The following PANK1 variants were observed in gnomAD, a reference collection of about 807,000 sequenced individuals.
PANK1 encodes pantothenate kinase 1.
PANK1 carries 18 observed loss-of-function variants against 40.1 expected under a neutral mutation model. The observed-to-expected ratio is 0.45, with a 90% CI of 0.31 to 0.67. The LOEUF (loss-of-function observed/expected upper bound fraction) is 0.67, where lower values mean the gene tolerates loss of function less well. Among genes scored for constraint, PANK1 ranks in the 30% least tolerant of loss-of-function variants. PANK1 has a pLI of 0.06. For synonymous variants in PANK1, 242 were observed against 237.7 expected, an observed-to-expected ratio of 1.02 and a Z score of -0.17; for missense variants, 457 against 599.6, an observed-to-expected ratio of 0.76 and a Z score of 2.48.
At chr10:89,644,350 G>A (rs1187197520) in intron 1 of PANK1, among the ~76,000 whole-genome samples, 1 of 152,196 alleles carries the variant, frequency 6.6e-6, no homozygotes, top group Non-Finnish European at 1.5e-5. Context: ...CTAGGGACCC[G>A]CTCAAGCTTC....
Position 89,593,177 on chromosome 10 carries a change from C to T in PANK1, c.1200+20G>A, listed in dbSNP as rs751716304. 9 of 1,611,346 alleles carry T rather than the reference C, an allele frequency of 5.6e-6. No homozygotes were observed. The highest frequency in any genetic ancestry group is 1.1e-5 in the South Asian group (1 of 90,844). ...TATATGAATGACACACAGCTTTCAC[C>T]GGGTTGAGTAAGGCCTTACCTCATT... On this transcript the variant is annotated intron_variant, in intron 5 of 6. Transcript: ENST00000307534.
intron 1 of PANK1, among the ~76,000 whole-genome samples, chr10:89,625,115 TGGCCTTG>T (rs2133986154): frequency 6.6e-6 from 1 of 152,354 alleles, no homozygotes; most frequent in Non-Finnish European, 1.5e-5. Flanking sequence ...TTGCCCAGGC[TGGCCTTG>T]AACTCCTGGG....
At chr10:89,615,024 A>T (rs1341244324) in intron 1 of PANK1, among the ~76,000 whole-genome samples, 1 of 152,178 alleles carries the variant, frequency 6.6e-6, no homozygotes, top group African/African-American at 2.4e-5. Context: ...GTAGAAAAGC[A>T]TAGAAGGCCC....
At chr10:89,586,281 T>G (rs1844193204) in intron 6 of PANK1, among the ~76,000 whole-genome samples, 1 of 152,224 alleles carries the variant, frequency 6.6e-6, no homozygotes, top group Admixed American at 6.5e-5. Flanking sequence ...CTATCTGGAC[T>G]AGAACAGGAG....
rs527520196 is a variant in PANK1, at chr10:89,584,097, G to A, written c.*309C>T. On this transcript the variant is annotated 3_prime_UTR_variant, in exon 7 of 7. Transcript: ENST00000307534. ...AAAATGACCAGCGCTTACATATCAG[G>A]TCCTTCTTAAACATCAAACAACTTT... The A allele has an allele frequency of 7.4e-6, 2 of 270,076 alleles. No individual in the cohort carries two copies. Among genetic ancestry groups the A allele is most frequent in the South Asian group, 1.1e-4 (1 of 9,364 alleles). 16.7% of individuals were successfully genotyped at this position (270,076 alleles called of 1,614,324 possible).
chr10:89,644,665 T>C lies in PANK1; in HGVS notation c.227A>G (p.His76Arg), dbSNP rs765335810. The change falls in exon 1 of 7, where the codon CAT (histidine) becomes CGT (arginine). Residue 76 changes from histidine to arginine, a missense_variant. Coordinates refer to ENST00000307534, the MANE Select transcript of PANK1 (RefSeq NM_148977.3). Reference sequence around the variant, plus strand: ...CCGGCATTTCTTGGCCGGGGAGTCATGCTGAGGGAGCAGTGGCTGCGGCTG... The same window carrying C: ...CCGGCATTTCTTGGCCGGGGAGTCACGCTGAGGGAGCAGTGGCTGCGGCTG... ...ELQPQPLLPQHDSPAKKCRLR... is the reference protein window; with the variant it reads ...ELQPQPLLPQRDSPAKKCRLR... The C allele has an allele frequency of 4.5e-6, 7 of 1,572,532 alleles. No individual in the cohort carries two copies. The African/African-American group carries it at 5.5e-5, about 12-fold the overall frequency.
At chr10:89,629,792 G>A (rs1211187770) in intron 1 of PANK1, among the ~76,000 whole-genome samples, 3 of 152,176 alleles carry the variant, frequency 2.0e-5, no homozygotes. Flanking sequence ...GACAGCAGCT[G>A]CAAATCATAA....
At position 89,584,432 on chromosome 10, in the gene PANK1, G is replaced by C. The variant is rs1188272047; in HGVS notation, c.1360C>G (p.Leu454Val). The C allele has an allele frequency of 6.2e-7, 1 of 1,608,972 alleles. No individual in the cohort carries two copies. Among genetic ancestry groups the C allele is most frequent in the Non-Finnish European group, 8.5e-7 (1 of 1,175,298 alleles). Residue 454 changes from leucine to valine, a missense_variant, in exon 7 of 7, where the codon CTG becomes GTG. Physicochemically the swap from Leu to Val is conservative, Grantham distance 32. Around this residue, in one of 4 missense-constraint regions of PANK1, gnomAD observed 22 missense variants for 24.6 expected, o/e 0.89. Transcript: ENST00000307534. ...TACTTGTCATCAGTCATTTTGAACA[G>C]TTCCAACAGTGCCCCAACGGCTCCA... Reference protein sequence around the residue: ...YFGAVGALLELFKMTDDK With the variant: ...YFGAVGALLEVFKMTDDK
chr10:89,612,086 G>A, intron 1 of PANK1, 38 bp from the exon 2 acceptor site: 1 of 1,541,488 alleles, frequency 6.5e-7, no homozygotes, highest in Non-Finnish European at 8.8e-7. Flanking sequence ...TGAATGCTAT[G>A]CGTGCAAAGA....
At chr10:89,637,665 T>C (rs1841861244) in intron 1 of PANK1, among the ~76,000 whole-genome samples, 1 of 152,232 alleles carries the variant, frequency 6.6e-6, no homozygotes, top group Non-Finnish European at 1.5e-5. Context: ...TGTGAAGGCC[T>C]AGGACATCAC....
chr10:89,608,099 T>C (rs2133957323), intron 2 of PANK1, among the ~76,000 whole-genome samples: 1 of 150,860 alleles, frequency 6.6e-6, no homozygotes, highest in East Asian at 2.0e-4. Flanking sequence ...TGTTGCCATC[T>C]CAGCTTACTG....
At chr10:89,623,760 T>C (rs1353059551) in intron 1 of PANK1, among the ~76,000 whole-genome samples, 2 of 152,162 alleles carry the variant, frequency 1.3e-5, no homozygotes, top group East Asian at 3.9e-4. Context: ...AAACCAATTA[T>C]CAAAATCCAC....
chr10:89,608,622 A>G (rs1018059341), intron 2 of PANK1, among the ~76,000 whole-genome samples: 3 of 152,248 alleles, frequency 2.0e-5, no homozygotes, highest in African/African-American at 7.2e-5. Context: ...TCTGTTGTAC[A>G]TCTTTTACCT....
At chr10:89,588,183 A>C (rs1844261628) in intron 6 of PANK1, among the ~76,000 whole-genome samples, 1 of 152,048 alleles carries the variant, frequency 6.6e-6, no homozygotes, top group South Asian at 2.1e-4. Context: ...CATTGTGTAT[A>C]TGTACCACAT....
chr10:89,585,001 T>C (rs973927970), intron 6 of PANK1, among the ~76,000 whole-genome samples: 2 of 152,146 alleles, frequency 1.3e-5, no homozygotes, highest in African/African-American at 2.4e-5. Flanking sequence ...AACTAAAAAA[T>C]ATAAATTTTT....
chr10:89,634,266 T>C (rs1279856961), intron 1 of PANK1, among the ~76,000 whole-genome samples: 1 of 152,180 alleles, frequency 6.6e-6, no homozygotes, highest in Admixed American at 6.5e-5. Flanking sequence ...CCTGACCATC[T>C]ACCTTGGGCT....
chr10:89,606,718 T>A (rs1233363844), intron 2 of PANK1, among the ~76,000 whole-genome samples: 3 of 152,116 alleles, frequency 2.0e-5, no homozygotes, highest in Non-Finnish European at 4.4e-5. Flanking sequence ...GAGACAGGGT[T>A]TTACCATGTT....
At chr10:89,586,844 A>G (rs1844210050) in intron 6 of PANK1, among the ~76,000 whole-genome samples, 1 of 152,148 alleles carries the variant, frequency 6.6e-6, no homozygotes, top group African/African-American at 2.4e-5. Flanking sequence ...AACTCCAAGT[A>G]AGGGGGCCGG....
At chr10:89,595,915 T>C (rs1414095798) in intron 3 of PANK1, among the ~76,000 whole-genome samples, 2 of 142,372 alleles carry the variant, frequency 1.4e-5, no homozygotes, top group Non-Finnish European at 1.5e-5. Context: ...CACACATATA[T>C]ATATGATTGA....
Sources: gnomAD v4.1 joint callset for allele counts (sites outside exome capture counted in the v4.1 genomes callset) on GRCh38, gnomAD v4.1.1 for gene constraint, gnomAD v4.1.1 regional missense constraint, MANE v1.5 for transcripts, NCBI Gene and HGNC (gene_info 2026-07-23, HGNC 2026-07-21) for gene names.